Variants in TMLHE observed in about 807,000 individuals in gnomAD.
TMLHE encodes the protein trimethyllysine hydroxylase, epsilon, also known as trimethyllysine dioxygenase, mitochondrial.
Under a neutral mutation model 25.7 loss-of-function variants are expected in TMLHE, and 18 were observed. The observed-to-expected ratio is 0.70, with a 90% CI of 0.48 to 1.04. The LOEUF (loss-of-function observed/expected upper bound fraction) is 1.04. Ranked by LOEUF, TMLHE falls within the 50% of genes least tolerant of loss-of-function variation. The probability of loss-of-function intolerance (pLI) is 0.00; values close to 1 mark genes in which losing one functional copy is unlikely to be tolerated. For missense variants in TMLHE, 236 were observed against 259.0 expected (o/e 0.91, Z 0.61); for synonymous variants, 105 against 97.0 (o/e 1.08, Z -0.49).
chrX:155,524,737 G>A, intron 2 of TMLHE, 105 bp from the exon 3 acceptor site: 1 of 732,181 alleles, frequency 1.4e-6, no homozygotes, highest in South Asian at 5.0e-5. Context: ...AAGCAATAAG[G>A]GTTGAGGGGA....
At chrX:155,590,510 T>G (rs1368705101) in intron 1 of TMLHE, among the ~76,000 whole-genome samples, 1 of 111,530 alleles carries the variant, frequency 9.0e-6, no homozygotes, top group Non-Finnish European at 1.9e-5. Flanking sequence ...TATTTGGGGG[T>G]TTATATCACA....
chrX:155,609,513 C>T (rs181288621), intron 1 of TMLHE, among the ~76,000 whole-genome samples: 1 of 111,725 alleles, frequency 9.0e-6, no homozygotes, highest in Non-Finnish European at 1.9e-5. Flanking sequence ...TAGAACCAAC[C>T]TGCCCCTATA....
chrX:155,513,993 A>T lies in TMLHE; in HGVS notation c.631T>A (p.Leu211Ile). The T allele has an allele frequency of 8.3e-7, 1 of 1,207,932 alleles. No individual in the cohort carries two copies. Among genetic ancestry groups the T allele is most frequent in the African/African-American group, 1.7e-5 (1 of 57,759 alleles). The change falls in exon 4 of 8, where the codon TTA becomes ATA. Residue 211 changes from leucine (L) to isoleucine (I), a missense_variant. Around this residue, in one of 2 missense-constraint regions of TMLHE, gnomAD observed 217 missense variants for 214.6 expected, o/e 1.01. Coordinates refer to ENST00000334398, the MANE Select transcript of TMLHE (RefSeq NM_018196.4). ...AGGAAACAAATGAATTACCTGATTAAGCTGATCCTTTCTGCCAACTTCTCT... is the reference window on the plus strand; with the variant it reads ...AGGAAACAAATGAATTACCTGATTATGCTGATCCTTTCTGCCAACTTCTCT... Reference protein sequence around the residue: ...HTEKLAERISLIRETIYGRMW... With the variant: ...HTEKLAERISIIRETIYGRMW...
At chrX:155,608,369 AAGGCGT>A (rs4012981) in intron 1 of TMLHE, among the ~76,000 whole-genome samples, 1 of 110,437 alleles carries the variant, frequency 9.1e-6, no homozygotes, top group Admixed American at 9.7e-5. Context: ...TAGAAACCAG[AAGGCGT>A]CTGCCTTCTT....
intron 1 of TMLHE, among the ~76,000 whole-genome samples, chrX:155,608,216 C>T (rs1414452670): frequency 9.0e-6 from 1 of 111,320 alleles, no homozygotes; most frequent in Non-Finnish European, 1.9e-5. Flanking sequence ...ACATATAGAC[C>T]AATGGAACAA....
At chrX:155,544,963 T>C in intron 2 of TMLHE, 133 bp downstream of exon 2, 1 of 645,737 alleles carries the variant, frequency 1.5e-6, no homozygotes, top group Non-Finnish European at 2.4e-6. Flanking sequence ...CTTAAAATGG[T>C]TAAGATAGTA....
At chrX:155,528,166 T>C (rs1416976502) in intron 2 of TMLHE, among the ~76,000 whole-genome samples, 6 of 110,576 alleles carry the variant, frequency 5.4e-5, no homozygotes, top group Non-Finnish European at 1.1e-4. Flanking sequence ...GAAAAATGCA[T>C]ACTTGCAAAC....
At chrX:155,547,812 T>G (rs2067362955) in intron 1 of TMLHE, among the ~76,000 whole-genome samples, 1 of 111,463 alleles carries the variant, frequency 9.0e-6, no homozygotes, top group Non-Finnish European at 1.9e-5. Flanking sequence ...TTTCTTTCAT[T>G]ATTTACCACC....
chrX:155,540,728 T>C (rs1022493835), intron 2 of TMLHE, among the ~76,000 whole-genome samples: 4 of 111,655 alleles, frequency 3.6e-5, no homozygotes, highest in Admixed American at 9.5e-5. Flanking sequence ...ATGCACATTA[T>C]AAGGAAAGGA....
At chrX:155,573,546 C>T (rs1379958067) in intron 1 of TMLHE, among the ~76,000 whole-genome samples, 4 of 56,071 alleles carry the variant, frequency 7.1e-5, no homozygotes, top group African/African-American at 1.3e-4. Flanking sequence ...ATGTTTATTG[C>T]GGCACTATTC....
chrX:155,579,924 C>T (rs781817668), intron 1 of TMLHE, among the ~76,000 whole-genome samples: 8 of 108,222 alleles, frequency 7.4e-5, no homozygotes, highest in African/African-American at 2.7e-4. Context: ...GCAAAGAATT[C>T]ACAACTAAGA....
rs1042859979 is a variant in TMLHE, at chrX:155,551,447, T to C, written c.-1-6170A>G. Among the ~76,000 whole-genome samples, 22 of 101,722 alleles carry C rather than the reference T, an allele frequency of 2.2e-4. No homozygotes were observed. The East Asian group carries it at 4.5e-3, about 21-fold the overall frequency. The allele number at this position is 101,722 out of a possible 115,157, so 88.3% of individuals were successfully genotyped here. Reference sequence around the variant, plus strand: ...ATTCTAGTTCTAGATCCTTGAGGAATTGCCACACTGTCTTCCACAATGGTT... The same window carrying C: ...ATTCTAGTTCTAGATCCTTGAGGAACTGCCACACTGTCTTCCACAATGGTT... On this transcript the variant is annotated intron_variant, in intron 1 of 7. Transcript: ENST00000334398.
chrX:155,588,383 A>G (rs918956830), intron 1 of TMLHE, among the ~76,000 whole-genome samples: 1 of 112,015 alleles, frequency 8.9e-6, no homozygotes, highest in Non-Finnish European at 1.9e-5. Context: ...CATGACCCAA[A>G]CCGTTTAAGC....
intron 6 of TMLHE, among the ~76,000 whole-genome samples, chrX:155,504,961 T>C (rs1324125234): frequency 9.0e-6 from 1 of 111,567 alleles, no homozygotes; most frequent in African/African-American, 3.2e-5. Context: ...AATAGGTATA[T>C]GCATTGGTCA....
chrX:155,610,087 C>G (rs1290569962), intron 1 of TMLHE, among the ~76,000 whole-genome samples: 1 of 112,067 alleles, frequency 8.9e-6, no homozygotes, highest in Non-Finnish European at 1.9e-5. Context: ...TGCACACAAA[C>G]GTTCATAGCA....
chrX:155,596,982 C>T (rs1189628132), intron 1 of TMLHE, among the ~76,000 whole-genome samples: 2 of 106,648 alleles, frequency 1.9e-5, no homozygotes, highest in Non-Finnish European at 3.9e-5. Flanking sequence ...CACCCATTAA[C>T]TCGTCATTTA....
chrX:155,548,456 C>T (rs1171173594), intron 1 of TMLHE, among the ~76,000 whole-genome samples: 1 of 110,877 alleles, frequency 9.0e-6, no homozygotes, highest in Non-Finnish European at 1.9e-5. Flanking sequence ...ATCCTACAGG[C>T]TGGGCACGGT....
chrX:155,574,515 A>G (rs1557343603), intron 1 of TMLHE, among the ~76,000 whole-genome samples: 1 of 112,218 alleles, frequency 8.9e-6, no homozygotes, highest in Non-Finnish European at 1.9e-5. Flanking sequence ...CTATGCTGAT[A>G]CAGAGGTAAT....
At chrX:155,577,673 GT>G (rs1233822084) in intron 1 of TMLHE, among the ~76,000 whole-genome samples, 1 of 111,574 alleles carries the variant, frequency 9.0e-6, no homozygotes, top group Non-Finnish European at 1.9e-5. Context: ...GATGTAGCTA[GT>G]ATATGCCCCT....
Sources: gnomAD v4.1 joint callset for allele counts (sites outside exome capture counted in the v4.1 genomes callset) on GRCh38, gnomAD v4.1.1 for gene constraint, gnomAD v4.1.1 regional missense constraint, MANE v1.5 for transcripts, NCBI Gene and HGNC (gene_info 2026-07-23, HGNC 2026-07-21) for gene names.